MLH3: variants seen among roughly 807,000 people sequenced by gnomAD.
The protein encoded by MLH3 is mutL homolog 3, also known as DNA mismatch repair protein Mlh3.
Under a neutral mutation model 122.2 loss-of-function variants are expected in MLH3, and 82 were observed. The ratio of observed to expected loss-of-function variants is 0.67; its 90% CI spans 0.56 to 0.81. The LOEUF is 0.81. MLH3 is among the 30% of genes least tolerant of loss of function. MLH3 has a pLI of 0.00. For missense variants in MLH3, 1,539 were observed against 1,714.5 expected (o/e 0.90, Z 1.81); for synonymous variants, 524 against 599.5 (o/e 0.87, Z 1.84).
chr14:75,045,754 A>T (rs1177263706), intron 2 of MLH3, among the ~76,000 whole-genome samples: 1 of 152,158 alleles, frequency 6.6e-6, no homozygotes, highest in East Asian at 1.9e-4. Flanking sequence ...TTTTTATTAA[A>T]ATTGGACAGT....
intron 9 of MLH3, among the ~76,000 whole-genome samples, chr14:75,026,055 C>A (rs1160850003): frequency 6.6e-6 from 1 of 152,218 alleles, no homozygotes; most frequent in African/African-American, 2.4e-5. Context: ...CTTCTCTTAC[C>A]TTAACCACTG....
chr14:75,046,903 T>A lies in MLH3; in HGVS notation c.2753A>T (p.Asp918Val). 6.2e-7 allele frequency: 1 copy of A among 1,614,052 alleles called. No individual in the cohort carries two copies. The change falls in exon 2 of 13, where the codon GAT (aspartate) becomes GTT (valine). Residue 918 changes from aspartate (D) to valine (V), a missense_variant. Asp to Val is a radical substitution (Grantham distance 152). Transcript: ENST00000355774. The part of the protein sequence containing the change: ...DSKLCSVLTQ[D>V]FCMLFNNKHE... The stretch of plus-strand genomic sequence containing the variant: ...CTTGTTGTTAAATAACATACAAAAA[T>A]CTTGTGTTAACACACTGCACAACTT...
chr14:75,044,033 G>GCCGAGATCGCAGTA (rs1367954203), intron 2 of MLH3, among the ~76,000 whole-genome samples: 240 of 151,878 alleles, frequency 1.6e-3, no homozygotes, highest in Non-Finnish European at 2.8e-3. Flanking sequence ...AGGTTGCAGT[G>GCCGAGATCGCAGTA]AGCCGAGATC....
At chr14:75,020,271 G>A (rs948529145) in intron 11 of MLH3, among the ~76,000 whole-genome samples, 3 of 152,194 alleles carry the variant, frequency 2.0e-5, no homozygotes, top group Non-Finnish European at 2.9e-5. Context: ...GTGGGCCACA[G>A]TAAAAAATCA....
At position 75,049,203 on chromosome 14, in the gene MLH3, T is replaced by C; in HGVS notation, c.453A>G (p.Leu151=). ...SAGTTVTVYN[L]FYQLPVRRKC... ...TCCTCCTTACAGGAAGCTGGTAAAA[T>C]AGGTTATACACTGTTACAGTAGTCC... is the stretch of plus-strand genomic sequence containing the variant. The change falls in exon 2 of 13, where the codon CTA becomes CTG. Residue 151 remains leucine, a synonymous_variant. Coordinates refer to ENST00000355774, the MANE Select transcript of MLH3 (RefSeq NM_001040108.2). 1.9e-6 allele frequency: 3 copies of C among 1,614,170 alleles called. No individual in the cohort carries two copies. The highest frequency in any genetic ancestry group is 2.5e-6 in the Non-Finnish European group (3 of 1,180,030).
Position 75,050,404 on chromosome 14 carries a change from G to T in MLH3, c.-63-686C>A, listed in dbSNP as rs149701946. Among the ~76,000 whole-genome samples the T allele has an allele frequency of 5.3e-5, 8 of 152,190 alleles. No individual in the cohort carries two copies. In the East Asian group the frequency reaches 1.5e-3, roughly 29 times the overall value. ...ATTACTCTGATGTTTTTAGAAAGTC[G>T]TTATTATTCTTTTTTGAAACAGTCT... On this transcript the variant is annotated intron_variant, in intron 1 of 12. Transcript: ENST00000355774.
chr14:75,031,376 G>A (rs1891037641), intron 8 of MLH3, among the ~76,000 whole-genome samples: 1 of 152,162 alleles, frequency 6.6e-6, no homozygotes, highest in Non-Finnish European at 1.5e-5. Context: ...AAAGCAGAAT[G>A]GGACCAATTA....
chr14:75,025,799 A>G (rs1257810553), intron 9 of MLH3, among the ~76,000 whole-genome samples: 1 of 151,968 alleles, frequency 6.6e-6, no homozygotes, highest in African/African-American at 2.4e-5. Flanking sequence ...GTCTAAACCC[A>G]CCTTCACGAT....
intron 7 of MLH3, among the ~76,000 whole-genome samples, chr14:75,032,547 G>T (rs1751512472): frequency 6.6e-6 from 1 of 152,240 alleles, no homozygotes; most frequent in Non-Finnish European, 1.5e-5. Flanking sequence ...CTTGAGCAGG[G>T]TCTCCCAGTC....
chr14:75,036,055 C>T (rs190792403), intron 6 of MLH3, among the ~76,000 whole-genome samples: 9 of 152,292 alleles, frequency 5.9e-5, no homozygotes, highest in Non-Finnish European at 1.2e-4. Context: ...GTCTTGGCAG[C>T]GTTTGGCATG....
Position 75,014,388 on chromosome 14 carries a change from C to G in MLH3, c.*2694G>C, listed in dbSNP as rs1282998786. 2 of 177,932 alleles carry G rather than the reference C, an allele frequency of 1.1e-5. No individual in the cohort carries two copies. The highest frequency in any genetic ancestry group is 1.2e-5 in the Non-Finnish European group (1 of 82,916). The allele number at this position is 177,932 out of a possible 1,614,324, so 11.0% of individuals were successfully genotyped here. ...CCCCTCCCCATTCTCCAGCTTCATT[C>G]TAGCCTACACTTTATGCTTTGCCTT... is the stretch of plus-strand genomic sequence containing the variant. On this transcript the variant is annotated 3_prime_UTR_variant, in exon 13 of 13. Coordinates refer to ENST00000355774, the MANE Select transcript of MLH3 (RefSeq NM_001040108.2).
intron 3 of MLH3, 107 bp from the exon 4 acceptor site, chr14:75,041,807 C>T (rs1891878330): frequency 1.3e-6 from 1 of 779,326 alleles, no homozygotes; most frequent in African/African-American, 1.7e-5. Flanking sequence ...AGGTCACGTA[C>T]ATTGTTTCTA....
At chr14:75,039,074 G>T (rs556974362) in intron 5 of MLH3, among the ~76,000 whole-genome samples, 252 of 152,246 alleles carry the variant, frequency 1.7e-3, no homozygotes, top group African/African-American at 5.9e-3. Context: ...AGCCAGGATG[G>T]TCTCGAACTC....
rs761406011 is a variant in MLH3 at position 75,049,383 on chromosome 14, A to G, written c.273T>C (p.Gly91=). ...VQDLENPRFY[G]FRGEALANIA... ...TATTTGCCAAGGCCTCTCCTCGGAAACCATAAAACCTTGGATTCTCCAAGT... is the reference window on the plus strand; with the variant it reads ...TATTTGCCAAGGCCTCTCCTCGGAAGCCATAAAACCTTGGATTCTCCAAGT... Residue 91 remains glycine, a synonymous_variant, in exon 2 of 13, where the codon GGT becomes GGC. Coordinates refer to ENST00000355774, the MANE Select transcript of MLH3 (RefSeq NM_001040108.2). 1 of 1,614,022 alleles carries G rather than the reference A, an allele frequency of 6.2e-7. No individual in the cohort carries two copies. The highest frequency in any genetic ancestry group is 8.5e-7 in the Non-Finnish European group (1 of 1,180,024).
intron 6 of MLH3, among the ~76,000 whole-genome samples, chr14:75,034,506 G>C (rs1308883917): frequency 6.6e-6 from 1 of 152,138 alleles, no homozygotes; most frequent in Non-Finnish European, 1.5e-5. Flanking sequence ...AGCCAAAGCA[G>C]CCATAGACAA....
At chr14:75,030,349 CACTG>C (rs781573382) in intron 9 of MLH3, among the ~76,000 whole-genome samples, 190 bp downstream of exon 9, 3 of 152,198 alleles carry the variant, frequency 2.0e-5, no homozygotes, top group Admixed American at 1.3e-4. Context: ...AGCCAAAGTT[CACTG>C]ACTATAATTC....
Position 75,047,449 on chromosome 14 carries a change from A to T in MLH3, c.2207T>A (p.Phe736Tyr). The T allele has an allele frequency of 6.2e-7, 1 of 1,614,094 alleles. No individual in the cohort carries two copies. The highest frequency in any genetic ancestry group is 1.1e-5 in the South Asian group (1 of 91,084). ...CTTCTTACGGACGATTGGTTTGGAG[A>T]AACCAATTAATTTATCTGTTTTCCT... ...DSRKTDKLIG[F>Y]SKPIVRKKLS... Residue 736 changes from phenylalanine (F) to tyrosine (Y), a missense_variant, in exon 2 of 13, where the codon TTC (phenylalanine) becomes TAC (tyrosine). Physicochemically the swap from Phe to Tyr is conservative, Grantham distance 22 (BLOSUM62 3). Transcript: ENST00000355774.
Position 75,047,880 on chromosome 14 carries a change from T to A in MLH3, c.1776A>T (p.Arg592Ser), listed in dbSNP as rs745659701. ...EKKKESSNCGRRNVFSYGRVK... is the reference protein window; with the variant it reads ...EKKKESSNCGSRNVFSYGRVK... ...CTCGCCCATAACTAAAAACATTTCT[T>A]CTTCCACAATTGCTAGATTCTTTTT... The change falls in exon 2 of 13, where the codon AGA becomes AGT. Residue 592 changes from arginine (R) to serine (S), a missense_variant. Arg to Ser is a moderately radical substitution (Grantham distance 110, BLOSUM62 -1). Transcript: ENST00000355774. 1.2e-6 allele frequency: 2 copies of A among 1,613,484 alleles called. No individual in the cohort carries two copies. The highest frequency in any genetic ancestry group is 1.7e-6 in the Non-Finnish European group (2 of 1,179,842).
At chr14:75,041,465 C>T (rs1424287505) in intron 4 of MLH3, 150 bp downstream of exon 4, 36 of 684,120 alleles carry the variant, frequency 5.3e-5, no homozygotes, top group Non-Finnish European at 8.8e-5. Context: ...AGGAGAATTG[C>T]TTGAACCTGG....
Sources: gnomAD v4.1 joint callset for allele counts (sites outside exome capture counted in the v4.1 genomes callset) on GRCh38, gnomAD v4.1.1 for gene constraint, MANE v1.5 for transcripts, NCBI Gene and HGNC (gene_info 2026-07-23, HGNC 2026-07-21) for gene names.